The following GARIN1A variants were observed in gnomAD, a reference collection of about 807,000 sequenced individuals.
GARIN1A encodes golgi associated RAB2 interactor 1A.
At chr7:128,678,208 A>T in the GARIN1A span, 1 of 160,610 alleles carries the variant, frequency 6.2e-6, no homozygotes, top group Non-Finnish European at 1.4e-5. Flanking sequence ...TTTAGTAGAG[A>T]TGGGGTTTCA....
chr7:128,674,355 C>T, the GARIN1A span, among the ~76,000 whole-genome samples: 1 of 152,240 alleles, frequency 6.6e-6, no homozygotes, highest in African/African-American at 2.4e-5. Context: ...GAACTCCTGG[C>T]TTCAAGTGAT....
At chr7:128,673,905 CTT>C in the GARIN1A span, among the ~76,000 whole-genome samples, 2 of 152,090 alleles carry the variant, frequency 1.3e-5, no homozygotes, top group Non-Finnish European at 2.9e-5. Context: ...AATTTCTTCT[CTT>C]AATGTGTGCT....
chr7:128,676,235 C>T, the GARIN1A span, among the ~76,000 whole-genome samples: 1 of 152,070 alleles, frequency 6.6e-6, no homozygotes, highest in South Asian at 2.1e-4. Flanking sequence ...TGGTCTCGAT[C>T]TCCTGATCTC....
chr7:128,705,655 GTTTTTTTTTTTT>G, the GARIN1A span, among the ~76,000 whole-genome samples: 36 of 61,498 alleles, frequency 5.9e-4, no homozygotes, highest in Non-Finnish European at 4.0e-4. Flanking sequence ...TTTTTTTGGT[GTTTTTTTTTTTT>G]TTTTTTTTTT....
the GARIN1A span, among the ~76,000 whole-genome samples, chr7:128,704,961 C>T: frequency 6.6e-6 from 1 of 152,140 alleles, no homozygotes; most frequent in Non-Finnish European, 1.5e-5. Context: ...ATCATGAGAG[C>T]CAGCTTTCTC....
the GARIN1A span, among the ~76,000 whole-genome samples, chr7:128,708,489 C>G: frequency 7.4e-4 from 113 of 151,686 alleles, no homozygotes; most frequent in African/African-American, 2.6e-3. Context: ...TCTAATGAGA[C>G]AGTGCTGTGA....
chr7:128,690,811 AAG>A, the GARIN1A span: 1 of 152,182 alleles, frequency 6.6e-6, no homozygotes, highest in Non-Finnish European at 1.5e-5. Flanking sequence ...AAGAGAGATG[AAG>A]AGAGAGTCCA....
chr7:128,680,551 C>CCTTT, the GARIN1A span, among the ~76,000 whole-genome samples: 7 of 149,080 alleles, frequency 4.7e-5, 1 homozygote, highest in South Asian at 6.3e-4. Flanking sequence ...TTTTCTTTTT[C>CCTTT]CTTTCTTTCT....
At chr7:128,705,375 T>C in the GARIN1A span, among the ~76,000 whole-genome samples, 5 of 152,184 alleles carry the variant, frequency 3.3e-5, no homozygotes, top group African/African-American at 1.2e-4. Context: ...ATGGTCAAAC[T>C]TGGGTCTTGT....
At chr7:128,671,631 G>A in the GARIN1A span, among the ~76,000 whole-genome samples, 3 of 127,236 alleles carry the variant, frequency 2.4e-5, no homozygotes, top group South Asian at 7.7e-4. Flanking sequence ...GGCAACAAGA[G>A]CAAAACTCTG....
the GARIN1A span, chr7:128,697,538 A>G: frequency 6.6e-6 from 1 of 150,722 alleles, no homozygotes; most frequent in African/African-American, 2.5e-5. Flanking sequence ...TCGCCTGGAA[A>G]TACCGGGTGC....
chr7:128,674,480 A>G, the GARIN1A span, among the ~76,000 whole-genome samples: 1 of 152,152 alleles, frequency 6.6e-6, no homozygotes, highest in Non-Finnish European at 1.5e-5. Flanking sequence ...TAGTTGTTAT[A>G]GTACAGTTAC....
At chr7:128,673,122 G>T in the GARIN1A span, among the ~76,000 whole-genome samples, 2 of 152,112 alleles carry the variant, frequency 1.3e-5, no homozygotes, top group Admixed American at 6.5e-5. Context: ...TCCCTCTAGC[G>T]GTCTAGCCTG....
chr7:128,705,502 A>G, the GARIN1A span, among the ~76,000 whole-genome samples: 1 of 151,958 alleles, frequency 6.6e-6, no homozygotes, highest in Non-Finnish European at 1.5e-5. Flanking sequence ...TTCCCCTTCT[A>G]TAATTCAGAA....
the GARIN1A span, among the ~76,000 whole-genome samples, chr7:128,676,996 G>T: frequency 6.6e-6 from 1 of 151,808 alleles, no homozygotes; most frequent in South Asian, 2.1e-4. Context: ...AACATAGGGA[G>T]ATCCTGTTAC....
At chr7:128,700,505 C>T in the GARIN1A span, among the ~76,000 whole-genome samples, 1 of 152,134 alleles carries the variant, frequency 6.6e-6, no homozygotes, top group Non-Finnish European at 1.5e-5. Flanking sequence ...GTCTCAAACA[C>T]CTGACCTCAG....
the GARIN1A span, chr7:128,683,170 A>C: frequency 1.3e-6 from 2 of 1,595,840 alleles, no homozygotes; most frequent in South Asian, 2.3e-5. Flanking sequence ...CACCTAGGCA[A>C]AACATGCTCT....
At chr7:128,675,623 A>T in the GARIN1A span, 2 of 1,482,624 alleles carry the variant, frequency 1.3e-6, no homozygotes, top group Non-Finnish European at 1.9e-6. Context: ...TCTGTATTCC[A>T]CCCCTTGTTT....
chr7:128,682,266 C>T, the GARIN1A span, among the ~76,000 whole-genome samples: 1 of 152,192 alleles, frequency 6.6e-6, no homozygotes, highest in Non-Finnish European at 1.5e-5. Flanking sequence ...CTGGCAATCC[C>T]TTCAGGCAGC....
Sources: gnomAD v4.1 joint callset for allele counts (sites outside exome capture counted in the v4.1 genomes callset) on GRCh38, gnomAD v4.1.1 for gene constraint, MANE v1.5 for transcripts, NCBI Gene and HGNC (gene_info 2026-07-23, HGNC 2026-07-21) for gene names.